Variants in CTDSPL2 observed in about 807,000 individuals in gnomAD.
CTDSPL2 encodes the protein CTD small phosphatase like 2.
A neutral mutation model predicts 60.0 loss-of-function variants in CTDSPL2; 5 were observed. The ratio of observed to expected loss-of-function variants is 0.08; its 90% CI spans 0.04 to 0.18. The LOEUF (loss-of-function observed/expected upper bound fraction) is 0.18. Among genes scored for constraint, CTDSPL2 ranks in the 10% least tolerant of loss-of-function variants. The pLI is 1.00. For missense variants in CTDSPL2, 370 were observed against 548.8 expected, an observed-to-expected ratio of 0.67 and a Z score of 3.26; for synonymous variants, 186 against 189.3, an observed-to-expected ratio of 0.98 and a Z score of 0.14.
At chr15:44,504,745 C>T (rs2081432062) in intron 8 of CTDSPL2, among the ~76,000 whole-genome samples, 1 of 151,878 alleles carries the variant, frequency 6.6e-6, no homozygotes, top group Non-Finnish European at 1.5e-5. Context: ...TGGGGAGCAC[C>T]TATAGTCCCA....
chr15:44,456,888 C>CT (rs1567069743), intron 1 of CTDSPL2, among the ~76,000 whole-genome samples: 4 of 86,350 alleles, frequency 4.6e-5, no homozygotes, highest in Admixed American at 1.2e-4. Context: ...GTTTTTTTTT[C>CT]TTTTTTTTGA....
chr15:44,440,497 T>A (rs1697124909), intron 1 of CTDSPL2, among the ~76,000 whole-genome samples: 1 of 152,022 alleles, frequency 6.6e-6, no homozygotes, highest in Non-Finnish European at 1.5e-5. Context: ...CGCCTGGTCC[T>A]GTTGGTAATA....
rs2081832885 is a variant in CTDSPL2, at chr15:44,523,973, G to A, written c.1336-136G>A. The stretch of plus-strand genomic sequence containing the variant: ...TCTTAAATTTAACTGCATCTGTGTA[G>A]TATCTCTATTTGGCAAATAAAATAT... On this transcript the variant is annotated intron_variant, in intron 12 of 12. Transcript: ENST00000260327. 22 of 659,844 alleles carry A rather than the reference G, an allele frequency of 3.3e-5. No individual in the cohort carries two copies. In the East Asian group the frequency reaches 5.7e-4, roughly 17 times the overall value. The allele number at this position is 659,844 out of a possible 1,614,324, so 40.9% of individuals were successfully genotyped here.
intron 2 of CTDSPL2, among the ~76,000 whole-genome samples, chr15:44,475,875 A>G (rs1033850635): frequency 2.6e-5 from 4 of 152,144 alleles, no homozygotes; most frequent in Non-Finnish European, 5.9e-5. Flanking sequence ...CAAAGGGAAG[A>G]TATCTTTATC....
chr15:44,461,134 C>G (rs373106380), intron 2 of CTDSPL2, among the ~76,000 whole-genome samples: 1 of 152,112 alleles, frequency 6.6e-6, no homozygotes, highest in South Asian at 2.1e-4. Context: ...TCACCTTTAT[C>G]TGTTATTCAT....
intron 8 of CTDSPL2, among the ~76,000 whole-genome samples, chr15:44,512,455 A>G (rs2081582789): frequency 1.3e-5 from 2 of 152,234 alleles, no homozygotes; most frequent in South Asian, 4.1e-4. Flanking sequence ...CTACCTTGAG[A>G]TGGAATTCAG....
At chr15:44,498,308 CAT>C (rs2081334987) in intron 7 of CTDSPL2, among the ~76,000 whole-genome samples, 1 of 152,146 alleles carries the variant, frequency 6.6e-6, no homozygotes, top group South Asian at 2.1e-4. Context: ...GTTTAGCTCT[CAT>C]AGAAAATTTA....
intron 2 of CTDSPL2, among the ~76,000 whole-genome samples, chr15:44,474,938 G>A (rs1297942453): frequency 6.6e-6 from 1 of 152,022 alleles, no homozygotes; most frequent in Non-Finnish European, 1.5e-5. Context: ...TGCATAGCTA[G>A]CACAAATGTT....
At chr15:44,504,299 A>G (rs747354291) in intron 8 of CTDSPL2, among the ~76,000 whole-genome samples, 140 of 152,160 alleles carry the variant, frequency 9.2e-4, no homozygotes, top group Middle Eastern at 3.4e-3. Flanking sequence ...GCAGTGAGCC[A>G]AGATTGCGCC....
chr15:44,456,447 A>G (rs1041092518), intron 1 of CTDSPL2, among the ~76,000 whole-genome samples: 3 of 152,100 alleles, frequency 2.0e-5, no homozygotes, highest in South Asian at 2.1e-4. Flanking sequence ...CAGAGATTCA[A>G]CTTCTTCCTG....
intron 1 of CTDSPL2, among the ~76,000 whole-genome samples, chr15:44,445,763 G>C (rs1173035169): frequency 6.7e-6 from 1 of 148,168 alleles, no homozygotes; most frequent in Non-Finnish European, 1.5e-5. Flanking sequence ...TCAGCCTCCC[G>C]AGTAGCTGGG....
chr15:44,491,400 C>T (rs1293792926), intron 5 of CTDSPL2, among the ~76,000 whole-genome samples: 1 of 152,144 alleles, frequency 6.6e-6, no homozygotes, highest in Non-Finnish European at 1.5e-5. Context: ...ATGACATCCC[C>T]CCAAAAACTG....
intron 1 of CTDSPL2, among the ~76,000 whole-genome samples, chr15:44,457,945 T>G (rs2080483626): frequency 6.6e-6 from 1 of 152,226 alleles, no homozygotes; most frequent in South Asian, 2.1e-4. Flanking sequence ...AGTTTCTTTT[T>G]TTTCTATGAT....
intron 7 of CTDSPL2, among the ~76,000 whole-genome samples, chr15:44,498,763 G>A (rs1271210189): frequency 3.3e-5 from 5 of 151,938 alleles, no homozygotes; most frequent in African/African-American, 9.7e-5. Flanking sequence ...GCCGGGCGTG[G>A]TGGTGGGCGC....
intron 8 of CTDSPL2, among the ~76,000 whole-genome samples, chr15:44,513,985 T>C (rs1034920303): frequency 1.8e-4 from 27 of 152,252 alleles, no homozygotes; most frequent in African/African-American, 5.1e-4. Flanking sequence ...TTGACTGTTA[T>C]AATTTTAATC....
intron 1 of CTDSPL2, among the ~76,000 whole-genome samples, chr15:44,447,312 T>G (rs1449882277): frequency 1.3e-5 from 2 of 152,216 alleles, no homozygotes; most frequent in African/African-American, 4.8e-5. Flanking sequence ...AGAATTGGTT[T>G]TCTTTTTTTA....
chr15:44,479,462 A>G (rs2080985717), intron 2 of CTDSPL2, among the ~76,000 whole-genome samples: 1 of 124,880 alleles, frequency 8.0e-6, no homozygotes, highest in African/African-American at 3.2e-5. Context: ...CCCAGGTTGC[A>G]GTGGCATGGT....
At chr15:44,439,760 T>C (rs947794121) in intron 1 of CTDSPL2, among the ~76,000 whole-genome samples, 1 of 152,170 alleles carries the variant, frequency 6.6e-6, no homozygotes, top group Non-Finnish European at 1.5e-5. Flanking sequence ...GCTGTATATG[T>C]CTGTTTAAAA....
intron 12 of CTDSPL2, among the ~76,000 whole-genome samples, chr15:44,522,118 T>A (rs943789534): frequency 6.6e-6 from 1 of 152,016 alleles, no homozygotes; most frequent in East Asian, 1.9e-4. Context: ...ACAGCAGCCT[T>A]GACTTCCTGG....
Sources: gnomAD v4.1 joint callset for allele counts (sites outside exome capture counted in the v4.1 genomes callset) on GRCh38, gnomAD v4.1.1 for gene constraint, MANE v1.5 for transcripts, NCBI Gene and HGNC (gene_info 2026-07-23, HGNC 2026-07-21) for gene names.